The following MSRA variants were observed in gnomAD, a reference collection of about 807,000 sequenced individuals.
MSRA encodes the protein methionine sulfoxide reductase A.
MSRA carries 54 observed loss-of-function variants against 31.3 expected under a neutral mutation model. The ratio of observed to expected loss-of-function variants is 1.73; its 90% CI spans 1.39 to 2.17. MSRA has a LOEUF of 2.17. Ranked by LOEUF, MSRA falls within the 30% of genes most tolerant of loss-of-function variation. The pLI, the probability that MSRA is intolerant of heterozygous loss-of-function variation, is 0.00. For synonymous variants in MSRA, 169 were observed against 116.5 expected (o/e 1.45, Z -2.90); for missense variants, 507 against 300.9 (o/e 1.69, Z -5.07).
Position 10,080,675 on chromosome 8 carries a change from G to A in MSRA, c.142+26017G>A, listed in dbSNP as rs371631083. Among the ~76,000 whole-genome samples, 1,174 of 148,468 alleles carry A rather than the reference G, an allele frequency of 7.9e-3. 13 individuals are homozygous for A. Among genetic ancestry groups the A allele is most frequent in the South Asian group, 0.023 (107 of 4,600 alleles). On this transcript the variant is annotated intron_variant, in intron 1 of 5. Transcript: ENST00000317173. The stretch of plus-strand genomic sequence containing the variant: ...TTAGTGGCTGGGACTGCAGGCATGC[G>A]TTACCATGCCTGGCTAATTTTTTTT...
chr8:10,080,444 C>T (rs928942114), intron 1 of MSRA, among the ~76,000 whole-genome samples: 1 of 151,966 alleles, frequency 6.6e-6, no homozygotes, highest in East Asian at 1.9e-4. Flanking sequence ...CTCCAGGAGC[C>T]GAGGTTCTTT....
intron 1 of MSRA, chr8:10,095,600 G>T: frequency 2.0e-6 from 2 of 986,790 alleles, no homozygotes; most frequent in South Asian, 9.4e-5. Flanking sequence ...GAGAGCTGAG[G>T]AAAGAAAAAA....
At chr8:10,323,112 A>G (rs1585469135) in intron 5 of MSRA, among the ~76,000 whole-genome samples, 1 of 142,796 alleles carries the variant, frequency 7.0e-6, no homozygotes, top group East Asian at 2.2e-4. Context: ...AAAAAAATGC[A>G]GAAGAGAGGG....
At chr8:10,283,160 A>ACACACTCTCTCTCTCTCTCTCTCTCT in intron 3 of MSRA, among the ~76,000 whole-genome samples, 7 of 140,230 alleles carry the variant, frequency 5.0e-5, no homozygotes, top group South Asian at 4.6e-4. Context: ...ACACACACAC[A>ACACACTCTCTCTCTCTCTCTCTCTCT]CTCTCACCCT....
intron 1 of MSRA, among the ~76,000 whole-genome samples, chr8:10,172,234 G>A (rs1018196427): frequency 6.6e-6 from 1 of 152,138 alleles, no homozygotes; most frequent in African/African-American, 2.4e-5. Context: ...CCCTGCATGG[G>A]GTATGATACT....
At chr8:10,350,951 G>A (rs1804093753) in intron 5 of MSRA, among the ~76,000 whole-genome samples, 2 of 151,956 alleles carry the variant, frequency 1.3e-5, no homozygotes. Flanking sequence ...CATTTCTTAA[G>A]GTGACAAAGA....
At chr8:10,082,822 A>G (rs1039489843) in intron 1 of MSRA, among the ~76,000 whole-genome samples, 2 of 152,136 alleles carry the variant, frequency 1.3e-5, no homozygotes, top group African/African-American at 2.4e-5. Context: ...TGTTCACTCT[A>G]TCACCTTATC....
intron 4 of MSRA, among the ~76,000 whole-genome samples, chr8:10,313,134 G>C (rs934332935): frequency 6.6e-6 from 1 of 152,152 alleles, no homozygotes; most frequent in African/African-American, 2.4e-5. Context: ...CTGAGTTCTG[G>C]CCAGTGGAAT....
intron 2 of MSRA, among the ~76,000 whole-genome samples, chr8:10,225,466 C>A (rs901015108): frequency 6.6e-6 from 1 of 152,180 alleles, no homozygotes; most frequent in East Asian, 1.9e-4. Flanking sequence ...AATATAAATA[C>A]TTGTTAGATG....
intron 1 of MSRA, among the ~76,000 whole-genome samples, chr8:10,066,845 A>G (rs774881268): frequency 7.3e-5 from 11 of 149,678 alleles, no homozygotes; most frequent in Admixed American, 2.7e-4. Context: ...CAGCTGGTAT[A>G]TCTTTAGTAT....
At chr8:10,338,626 C>G (rs1803214625) in intron 5 of MSRA, among the ~76,000 whole-genome samples, 1 of 151,956 alleles carries the variant, frequency 6.6e-6, no homozygotes, top group African/African-American at 2.4e-5. Context: ...ATTTGTCAAT[C>G]AAAAATAATA....
intron 3 of MSRA, among the ~76,000 whole-genome samples, chr8:10,272,604 A>G (rs1486491137): frequency 2.0e-5 from 3 of 152,242 alleles, no homozygotes; most frequent in Non-Finnish European, 4.4e-5. Flanking sequence ...GACACCCAGA[A>G]TAATATTTAG....
chr8:10,145,524 A>G (rs1316192391), intron 1 of MSRA, among the ~76,000 whole-genome samples: 1 of 152,204 alleles, frequency 6.6e-6, no homozygotes, highest in Non-Finnish European at 1.5e-5. Context: ...CCCTGCAAGC[A>G]GGCATCCTCT....
intron 1 of MSRA, among the ~76,000 whole-genome samples, chr8:10,174,788 A>G (rs1032135488): frequency 6.6e-6 from 1 of 152,106 alleles, no homozygotes; most frequent in Non-Finnish European, 1.5e-5. Context: ...CCATGAGCTG[A>G]CCTCAGAGAT....
intron 4 of MSRA, among the ~76,000 whole-genome samples, chr8:10,304,281 A>T (rs1018793411): frequency 5.9e-5 from 9 of 152,258 alleles, no homozygotes; most frequent in African/African-American, 1.9e-4. Context: ...ACGCACGAGT[A>T]TCCGGCCTCT....
At chr8:10,259,566 C>T (rs1046908966) in intron 3 of MSRA, among the ~76,000 whole-genome samples, 1 of 152,136 alleles carries the variant, frequency 6.6e-6, no homozygotes, top group African/African-American at 2.4e-5. Flanking sequence ...CCCTCCCTTT[C>T]CCCATTCCCA....
intron 3 of MSRA, among the ~76,000 whole-genome samples, chr8:10,293,032 TG>T (rs2129118345): frequency 6.6e-6 from 1 of 152,242 alleles, no homozygotes; most frequent in South Asian, 2.1e-4. Context: ...TGGCTAGGCT[TG>T]GGGTTGTCTC....
intron 2 of MSRA, among the ~76,000 whole-genome samples, chr8:10,232,846 G>C (rs1811611132): frequency 6.6e-6 from 1 of 152,178 alleles, no homozygotes; most frequent in African/African-American, 2.4e-5. Context: ...TGTAATGATT[G>C]TGTCAAAAAT....
chr8:10,208,633 C>G (rs1168749601), intron 2 of MSRA, among the ~76,000 whole-genome samples: 2 of 152,098 alleles, frequency 1.3e-5, no homozygotes, highest in African/African-American at 4.8e-5. Context: ...CTCCCCTTCT[C>G]TCTAGCAGTG....
Sources: gnomAD v4.1 joint callset for allele counts (sites outside exome capture counted in the v4.1 genomes callset) on GRCh38, gnomAD v4.1.1 for gene constraint, MANE v1.5 for transcripts, NCBI Gene and HGNC (gene_info 2026-07-23, HGNC 2026-07-21) for gene names.